PALD1: variants seen among roughly 807,000 people sequenced by gnomAD.
PALD1 encodes the protein phosphatase domain containing paladin 1.
Under a neutral mutation model 96.0 loss-of-function variants are expected in PALD1, and 57 were observed. That is an observed-to-expected ratio of 0.59 (90% CI 0.48 to 0.74). PALD1 has a LOEUF of 0.74. PALD1 is among the 30% of genes least tolerant of loss of function. The pLI, the probability that PALD1 is intolerant of heterozygous loss-of-function variation, is 0.00. For synonymous variants in PALD1, 464 were observed against 473.6 expected, an observed-to-expected ratio of 0.98 and a Z score of 0.26; for missense variants, 1,063 against 1,143.7, an observed-to-expected ratio of 0.93 and a Z score of 1.02.
chr10:70,563,102 C>G (rs1190605004), intron 18 of PALD1, among the ~76,000 whole-genome samples: 1 of 152,198 alleles, frequency 6.6e-6, no homozygotes, highest in Non-Finnish European at 1.5e-5. Flanking sequence ...TGCTGAGATT[C>G]TCATTGGATT....
At chr10:70,533,146 C>A in intron 7 of PALD1, 76 bp downstream of exon 7, 1 of 1,171,058 alleles carries the variant, frequency 8.5e-7, no homozygotes, top group Non-Finnish European at 1.2e-6. Flanking sequence ...GTGGGCACAG[C>A]CTCTCGCCTT....
chr10:70,488,329 C>T (rs927389520), intron 1 of PALD1, among the ~76,000 whole-genome samples: 2 of 152,112 alleles, frequency 1.3e-5, no homozygotes, highest in Non-Finnish European at 2.9e-5. Flanking sequence ...CCCTGTTGCC[C>T]AGGCTGGTCT....
Position 70,567,541 on chromosome 10 carries a change from C to T in PALD1, c.*808C>T, listed in dbSNP as rs1847879115. ...AAGCCAAGGCCTGGAGCTGCAGGTC[C>T]CCCGGCATCTCTCTCTGTCCCGGCA... On this transcript the variant is annotated 3_prime_UTR_variant, in exon 20 of 20. Transcript: ENST00000263563. The T allele has an allele frequency of 1.3e-5, 2 of 152,944 alleles. No homozygotes were observed. The allele number at this position is 152,944 out of a possible 1,614,324, so 9.5% of individuals were successfully genotyped here.
chr10:70,487,187 G>T (rs544425616), intron 1 of PALD1, among the ~76,000 whole-genome samples: 2 of 143,776 alleles, frequency 1.4e-5, no homozygotes, highest in East Asian at 4.1e-4. Flanking sequence ...AGGCTGGAGT[G>T]CAGTGGCATA....
chr10:70,522,860 C>G (rs1309526617), intron 1 of PALD1, among the ~76,000 whole-genome samples: 1 of 152,170 alleles, frequency 6.6e-6, no homozygotes, highest in Non-Finnish European at 1.5e-5. Context: ...CCATCCCAAC[C>G]CTCACTATCA....
chr10:70,536,905 A>G (rs1847126309), intron 10 of PALD1, among the ~76,000 whole-genome samples: 1 of 151,944 alleles, frequency 6.6e-6, no homozygotes, highest in South Asian at 2.1e-4. Context: ...CTCTCGGACA[A>G]CCCCCCATGC....
At chr10:70,542,973 G>T (rs536940782) in intron 17 of PALD1, among the ~76,000 whole-genome samples, 1 of 150,860 alleles carries the variant, frequency 6.6e-6, no homozygotes, top group Non-Finnish European at 1.5e-5. Flanking sequence ...GGAGTTCACC[G>T]TGTTGGCCAG....
intron 18 of PALD1, 67 bp from the exon 19 acceptor site, chr10:70,564,297 G>A (rs1847795694): frequency 1.3e-6 from 2 of 1,499,598 alleles, no homozygotes; most frequent in Admixed American, 1.9e-5. Flanking sequence ...GGGCAGCAGG[G>A]TGGCATGTTT....
At chr10:70,509,349 T>C (rs1330980647) in intron 1 of PALD1, among the ~76,000 whole-genome samples, 1 of 152,204 alleles carries the variant, frequency 6.6e-6, no homozygotes, top group Non-Finnish European at 1.5e-5. Flanking sequence ...TTTTTTCACC[T>C]GCTTGATGGG....
At chr10:70,514,971 C>G (rs1268408771) in intron 1 of PALD1, among the ~76,000 whole-genome samples, 2 of 152,154 alleles carry the variant, frequency 1.3e-5, no homozygotes, top group African/African-American at 2.4e-5. Flanking sequence ...GATGGATGAG[C>G]AAAACAGAAG....
At chr10:70,555,248 T>G (rs1293113319) in intron 18 of PALD1, among the ~76,000 whole-genome samples, 1 of 151,506 alleles carries the variant, frequency 6.6e-6, no homozygotes, top group East Asian at 2.0e-4. Flanking sequence ...GTGCTGGGAT[T>G]ACAGGTGTGA....
intron 1 of PALD1, among the ~76,000 whole-genome samples, chr10:70,483,583 G>A (rs1486184815): frequency 6.6e-6 from 1 of 152,084 alleles, no homozygotes; most frequent in African/African-American, 2.4e-5. Context: ...AGAGGGGTGG[G>A]TGCCCTGAGA....
chr10:70,488,622 G>A (rs763274466), intron 1 of PALD1, among the ~76,000 whole-genome samples: 71 of 152,002 alleles, frequency 4.7e-4, no homozygotes, highest in Non-Finnish European at 6.6e-4. Flanking sequence ...GCTCAAACTC[G>A]GTCCATGGCT....
At chr10:70,498,457 A>AT (rs538778739) in intron 1 of PALD1, among the ~76,000 whole-genome samples, 1 of 151,776 alleles carries the variant, frequency 6.6e-6, no homozygotes, top group Non-Finnish European at 1.5e-5. Context: ...CTTTAAAATT[A>AT]TTTTTTATCG....
chr10:70,482,513 C>T (rs1426549845), intron 1 of PALD1, among the ~76,000 whole-genome samples: 4 of 152,108 alleles, frequency 2.6e-5, no homozygotes, highest in Non-Finnish European at 4.4e-5. Context: ...GTTTGTCTTC[C>T]GAGGCCTTTG....
At chr10:70,473,901 CCT>C (rs777320362), upstream of PALD1, among the ~76,000 whole-genome samples, 46 of 112,860 alleles carry the variant, frequency 4.1e-4, no homozygotes, top group African/African-American at 1.6e-3. Flanking sequence ...ACCCCCCCCC[CCT>C]CAGCCTCCCA....
intron 18 of PALD1, among the ~76,000 whole-genome samples, chr10:70,554,695 A>G (rs1466608879): frequency 2.6e-5 from 4 of 151,802 alleles, no homozygotes; most frequent in Non-Finnish European, 5.9e-5. Context: ...TGCCAGCGAC[A>G]CTTTTCCTGG....
intron 18 of PALD1, among the ~76,000 whole-genome samples, chr10:70,561,579 T>A (rs1436518647): frequency 1.3e-5 from 2 of 152,118 alleles, no homozygotes; most frequent in African/African-American, 4.8e-5. Flanking sequence ...TCTAAGCAAA[T>A]CCTGCCCCCA....
chr10:70,533,083 C>G lies in PALD1; in HGVS notation c.870+13C>G, dbSNP rs375534273. 3.2e-6 allele frequency: 5 copies of G among 1,566,874 alleles called. No individual in the cohort carries two copies. On this transcript the variant is annotated intron_variant, in intron 7 of 19. Coordinates refer to ENST00000263563, the MANE Select transcript of PALD1 (RefSeq NM_014431.3). ...CAGTGTTCTCCGGGTAACTGGGGCACGGGCGCGCATGGGGGAGGAGTCTTG... is the reference window on the plus strand; with the variant it reads ...CAGTGTTCTCCGGGTAACTGGGGCAGGGGCGCGCATGGGGGAGGAGTCTTG...
Sources: allele counts gnomAD v4.1 joint callset (sites outside exome capture counted in the v4.1 genomes callset), GRCh38; gene constraint gnomAD v4.1.1; transcripts MANE v1.5; gene names NCBI Gene and HGNC (gene_info 2026-07-23, HGNC 2026-07-21).